Variants in TPX2 observed in about 807,000 individuals in gnomAD.
TPX2 encodes the protein TPX2 microtubule nucleation factor.
Under a neutral mutation model 93.6 loss-of-function variants are expected in TPX2, and 21 were observed. The observed-to-expected ratio is 0.22, with a 90% CI of 0.16 to 0.32. TPX2 has a LOEUF of 0.32. TPX2 is among the 10% of genes least tolerant of loss of function. The probability of loss-of-function intolerance (pLI) is 1.00; values close to 1 mark genes in which losing one functional copy is unlikely to be tolerated. For synonymous variants in TPX2, 281 were observed against 298.3 expected (o/e 0.94, Z 0.60); for missense variants, 776 against 871.1 (o/e 0.89, Z 1.37).
At chr20:31,761,832 C>T (rs563847271) in intron 4 of TPX2, among the ~76,000 whole-genome samples, 1 of 152,148 alleles carries the variant, frequency 6.6e-6, no homozygotes, top group Non-Finnish European at 1.5e-5. Flanking sequence ...AGCCTCCATA[C>T]TGTTTTCCAT....
intron 3 of TPX2, among the ~76,000 whole-genome samples, chr20:31,758,945 T>C (rs1391529533): frequency 6.6e-6 from 1 of 152,084 alleles, no homozygotes; most frequent in African/African-American, 2.4e-5. Context: ...AAATACAATT[T>C]GGAAGAAAAA....
At chr20:31,769,544 T>C (rs2061951699) in intron 5 of TPX2, among the ~76,000 whole-genome samples, 1 of 152,108 alleles carries the variant, frequency 6.6e-6, no homozygotes, top group Non-Finnish European at 1.5e-5. Context: ...CAGGATGGTC[T>C]CGATCTCCTG....
intron 12 of TPX2, among the ~76,000 whole-genome samples, chr20:31,787,153 C>T (rs2123071128): frequency 6.6e-6 from 1 of 150,628 alleles, no homozygotes; most frequent in South Asian, 2.1e-4. Flanking sequence ...GATTACACTT[C>T]TAAGAGGTGG....
intron 5 of TPX2, among the ~76,000 whole-genome samples, chr20:31,766,932 G>A (rs938703292): frequency 6.6e-6 from 1 of 151,440 alleles, no homozygotes; most frequent in Non-Finnish European, 1.5e-5. Flanking sequence ...CTCCTGAGTA[G>A]CTGGGATTAT....
intron 4 of TPX2, among the ~76,000 whole-genome samples, chr20:31,765,757 A>C (rs1054170547): frequency 6.6e-6 from 1 of 152,214 alleles, no homozygotes; most frequent in Non-Finnish European, 1.5e-5. Flanking sequence ...TTGTATTGTC[A>C]CAACCCCTGA....
chr20:31,741,406 T>C (rs1237371493), intron 1 of TPX2, among the ~76,000 whole-genome samples: 1 of 150,102 alleles, frequency 6.7e-6, no homozygotes, highest in East Asian at 2.0e-4. Context: ...CTGCCTCCCC[T>C]GTTCAAGCAA....
Position 31,770,373 on chromosome 20 carries a change from T to C in TPX2, c.387T>C (p.Asp129=). 6.2e-7 allele frequency: 1 copy of C among 1,603,564 alleles called. No individual in the cohort carries two copies. Among genetic ancestry groups the C allele is most frequent in the Non-Finnish European group, 8.5e-7 (1 of 1,174,486 alleles). The part of the protein sequence containing the change: ...RRSLRLSAQK[D]LEQKEKHHVK... ...CTCTTAGGCTTTCTGCTCAGAAGGA[T>C]TTGGAACAGAAAGAAAAGCATCATG... Residue 129 remains aspartate (D), a synonymous_variant, in exon 6 of 18, where the codon GAT becomes GAC. Coordinates refer to ENST00000300403, the MANE Select transcript of TPX2 (RefSeq NM_012112.5).
chr20:31,761,359 GC>G (rs1246774004), intron 4 of TPX2, among the ~76,000 whole-genome samples: 1 of 151,850 alleles, frequency 6.6e-6, no homozygotes, highest in African/African-American at 2.4e-5. Flanking sequence ...CCACCAGCAT[GC>G]CCGGCTAATT....
rs1452014012 is a variant in TPX2 at position 31,801,283 on chromosome 20, G to A, written c.*203G>A. 4 of 534,584 alleles carry A rather than the reference G, an allele frequency of 7.5e-6. No homozygotes were observed. The highest frequency in any genetic ancestry group is 1.3e-5 in the Non-Finnish European group (4 of 297,562). 33.1% of individuals were successfully genotyped at this position (534,584 alleles called of 1,614,324 possible). ...TTCTTACATTACTAAGGCTAATAAT[G>A]AGATGTAACTCATGAATGTCTCGAT... is the stretch of plus-strand genomic sequence containing the variant. On this transcript the variant is annotated 3_prime_UTR_variant, in exon 18 of 18. Transcript: ENST00000300403.
chr20:31,792,554 G>A (rs939328607), intron 12 of TPX2, among the ~76,000 whole-genome samples, 181 bp from the exon 13 acceptor site: 4 of 152,056 alleles, frequency 2.6e-5, no homozygotes, highest in African/African-American at 9.7e-5. Flanking sequence ...GCTCACACCT[G>A]TAATCCCAGC....
rs6121229 is a variant in TPX2, at chr20:31,796,487, G to A, written c.1834-917G>A. On this transcript the variant is annotated intron_variant, in intron 15 of 17. Coordinates refer to ENST00000300403, the MANE Select transcript of TPX2 (RefSeq NM_012112.5). ...AATATCCATATATAGTCTACATAGT[G>A]CCTTTGTTTGCTAAATCTCCGAATC... Among the ~76,000 whole-genome samples, 714 of 152,224 alleles carry A rather than the reference G, an allele frequency of 4.7e-3. 7 individuals carry two copies. Among genetic ancestry groups the A allele is most frequent in the African/African-American group, 0.017 (696 of 41,548 alleles).
rs1243733782 is a variant in TPX2 at position 31,778,945 on chromosome 20, C to T, written c.1015C>T (p.Pro339Ser). ...AGTTGAAGACTTCCATAAACGAACC[C>T]CTAACAGATATCATTTGAGGAGCAA... ...QQVEDFHKRT[P>S]NRYHLRSKKD... Residue 339 changes from proline to serine, a missense_variant, in exon 10 of 18, where the codon CCT becomes TCT. Physicochemically the swap from Pro to Ser is moderately conservative, Grantham distance 74. Transcript: ENST00000300403. The T allele has an allele frequency of 6.2e-7, 1 of 1,605,794 alleles. No individual in the cohort carries two copies. The highest frequency in any genetic ancestry group is 8.5e-7 in the Non-Finnish European group (1 of 1,177,900).
In TPX2 at chr20:31,777,664, T is replaced by C. The variant is rs773556120; in HGVS notation, c.882+26T>C. The C allele has an allele frequency of 4.4e-6, 7 of 1,605,150 alleles. No homozygotes were observed. The South Asian group carries it at 7.7e-5, about 18-fold the overall frequency. On this transcript the variant is annotated intron_variant, in intron 9 of 17. Transcript: ENST00000300403. ...GTAAGTTGATGGACTAAATGAACAT[T>C]TCTGTTACTAATATTCATTTAGGAT... is the stretch of plus-strand genomic sequence containing the variant.
Position 31,793,895 on chromosome 20 carries a change from T to C in TPX2, c.1557T>C (p.Tyr519=). 6.2e-7 allele frequency: 1 copy of C among 1,613,576 alleles called. No individual in the cohort carries two copies. The highest frequency in any genetic ancestry group is 8.5e-7 in the Non-Finnish European group (1 of 1,179,780). ...TAAAAGCTCAACCTGTGCCACATTA[T>C]GGGGTGCCTTTTAAGCCCCAAATCC... is the stretch of plus-strand genomic sequence containing the variant. ...VVIKAQPVPH[Y]GVPFKPQIPE... is the part of the protein sequence containing the mutation. The change falls in exon 14 of 18, where the codon TAT becomes TAC. Residue 519 remains tyrosine (Y), a synonymous_variant. Transcript: ENST00000300403.
At chr20:31,758,710 G>A (rs1439390701) in intron 3 of TPX2, among the ~76,000 whole-genome samples, 5 of 152,070 alleles carry the variant, frequency 3.3e-5, no homozygotes, top group Non-Finnish European at 7.4e-5. Flanking sequence ...TTTTGGAAAA[G>A]GACTTTAATG....
At chr20:31,757,841 A>G (rs1020031447) in intron 3 of TPX2, among the ~76,000 whole-genome samples, 3 of 152,202 alleles carry the variant, frequency 2.0e-5, no homozygotes, top group Admixed American at 6.5e-5. Context: ...GAAAGTTCAG[A>G]TGAACCAGTG....
chr20:31,764,107 T>G (rs1273127018), intron 4 of TPX2, among the ~76,000 whole-genome samples: 2 of 118,066 alleles, frequency 1.7e-5, no homozygotes, highest in African/African-American at 1.1e-4. Flanking sequence ...ATACATCTAA[T>G]ATACATGTAT....
At chr20:31,793,581 G>A (rs899674619) in intron 13 of TPX2, among the ~76,000 whole-genome samples, 2 of 152,030 alleles carry the variant, frequency 1.3e-5, no homozygotes, top group African/African-American at 4.8e-5. Flanking sequence ...ATCTTCTGAT[G>A]TTCATTTTAT....
chr20:31,773,583 C>T (rs904763614), intron 7 of TPX2, among the ~76,000 whole-genome samples: 1 of 152,174 alleles, frequency 6.6e-6, no homozygotes, highest in African/African-American at 2.4e-5. Context: ...AGCCACCATG[C>T]CTGGCCTGAA....
Sources: allele counts gnomAD v4.1 joint callset (sites outside exome capture counted in the v4.1 genomes callset), GRCh38; gene constraint gnomAD v4.1.1; transcripts MANE v1.5; gene names NCBI Gene and HGNC (gene_info 2026-07-23, HGNC 2026-07-21).